F11R: variants seen among roughly 807,000 people sequenced by gnomAD.
The protein encoded by F11R is junctional adhesion molecule A.
Under a neutral mutation model 39.3 loss-of-function variants are expected in F11R, and 27 were observed. That is an observed-to-expected ratio of 0.69 (90% confidence interval 0.51 to 0.95). The LOEUF (loss-of-function observed/expected upper bound fraction) is 0.95, where lower values mean the gene tolerates loss of function less well. F11R is among the 40% of genes least tolerant of loss of function. The probability of loss-of-function intolerance (pLI) is 0.00; values close to 1 mark genes in which losing one functional copy is unlikely to be tolerated. For synonymous variants in F11R, 131 were observed against 144.9 expected (o/e 0.90, Z 0.69); for missense variants, 335 against 372.7 (o/e 0.90, Z 0.83).
chr1:161,011,558 A>G (rs3007162), intron 1 of F11R, among the ~76,000 whole-genome samples: 4,154 of 151,932 alleles, frequency 0.027, 182 homozygotes, highest in African/African-American at 0.093. Context: ...GTGAAACCCC[A>G]TCTCTACTAA....
chr1:161,006,917 C>T (rs1648849043), intron 1 of F11R, among the ~76,000 whole-genome samples: 1 of 152,156 alleles, frequency 6.6e-6, no homozygotes, highest in African/African-American at 2.4e-5. Flanking sequence ...GTAATCCCAG[C>T]ACTTTAGGAG....
At chr1:161,000,580 C>T (rs776001917) in intron 4 of F11R, 51 bp downstream of exon 4, 2 of 1,611,064 alleles carry the variant, frequency 1.2e-6, no homozygotes, top group Non-Finnish European at 1.7e-6. Context: ...GCAGAGCCTG[C>T]TATGAGAAGT....
At chr1:161,020,979 A>C (rs1455785926) in intron 1 of F11R, 31 bp downstream of exon 1, 1 of 1,611,530 alleles carries the variant, frequency 6.2e-7, no homozygotes, top group Non-Finnish European at 8.5e-7. Context: ...GACCCGACCA[A>C]CCGATTCCTC....
At chr1:161,004,646 T>C (rs1158833169) in intron 1 of F11R, among the ~76,000 whole-genome samples, 1 of 151,788 alleles carries the variant, frequency 6.6e-6, no homozygotes, top group East Asian at 1.9e-4. Flanking sequence ...GAGTGGGAGG[T>C]TACAGTGAGC....
At chr1:161,011,776 A>G (rs1649176380) in intron 1 of F11R, among the ~76,000 whole-genome samples, 2 of 151,934 alleles carry the variant, frequency 1.3e-5, no homozygotes, top group Admixed American at 1.3e-4. Flanking sequence ...GACGTATCTC[A>G]CACATTAATT....
At chr1:161,005,882 TA>T (rs1648773173) in intron 1 of F11R, among the ~76,000 whole-genome samples, 1 of 151,962 alleles carries the variant, frequency 6.6e-6, no homozygotes, top group Non-Finnish European at 1.5e-5. Context: ...CAACAGCCTG[TA>T]ATCCCAGCAC....
rs970464508 is a variant in F11R, at chr1:160,999,028, G to A, written c.864+15C>T. 3 of 1,614,058 alleles carry A rather than the reference G, an allele frequency of 1.9e-6. No homozygotes were observed. The African/African-American group carries it at 4.0e-5, about 22-fold the overall frequency. On this transcript the variant is annotated intron_variant, in intron 9 of 9. Transcript: ENST00000368026. Reference sequence around the variant, plus strand: ...CCCCAGGTGGCCCACCCCTGCCCAGGGGAGGCATACTCACTTCACTTCGGG... The same window carrying A: ...CCCCAGGTGGCCCACCCCTGCCCAGAGGAGGCATACTCACTTCACTTCGGG...
intron 1 of F11R, among the ~76,000 whole-genome samples, chr1:161,010,253 G>A (rs1364145613): frequency 6.6e-6 from 1 of 151,850 alleles, no homozygotes; most frequent in Non-Finnish European, 1.5e-5. Context: ...AGACTAGCCT[G>A]GCCAACGTGG....
Position 161,015,407 on chromosome 1 carries a change from A to AATAT in F11R, c.64+5599_64+5602dup, listed in dbSNP as rs1553211261. Among the ~76,000 whole-genome samples, 176 of 136,160 alleles carry AATAT rather than the reference A, an allele frequency of 1.3e-3. 2 individuals carry two copies. The highest frequency in any genetic ancestry group is 1.3e-3 in the Non-Finnish European group (81 of 63,748). 89.3% of individuals were successfully genotyped at this position (136,160 alleles called of 152,430 possible). ...AGCCAGACTCCATCTCAAAAAAAAA[A>AATAT]ATATATATATATATATATATACACA... On this transcript the variant is annotated intron_variant, in intron 1 of 9. Transcript: ENST00000368026.
chr1:161,021,056 T>C lies in F11R; in HGVS notation c.18A>G (p.Gln6=), dbSNP rs1266452916. ...AGAGGCACAACAGTTTCCTCTCGAC[T>C]TGCGCCTTTGTCCCCATCGCGATCA... MGTKA[Q]VERKLLCLFI... Residue 6 remains glutamine, a synonymous_variant, in exon 1 of 10, where the codon CAA becomes CAG. Transcript: ENST00000368026. The C allele has an allele frequency of 6.2e-7, 1 of 1,613,762 alleles. No homozygotes were observed. The highest frequency in any genetic ancestry group is 8.5e-7 in the Non-Finnish European group (1 of 1,179,884).
In F11R at chr1:160,998,803, T is replaced by A; in HGVS notation, c.*68A>T. The A allele has an allele frequency of 5.3e-6, 8 of 1,509,478 alleles. No individual in the cohort carries two copies. Among genetic ancestry groups the A allele is most frequent in the Non-Finnish European group, 7.4e-6 (8 of 1,085,376 alleles). 93.5% of individuals were successfully genotyped at this position (1,509,478 alleles called of 1,614,324 possible). A position where few individuals can be genotyped will look rare whatever the true frequency, so the allele number is the denominator to read the frequency against. On this transcript the variant is annotated 3_prime_UTR_variant, in exon 10 of 10. Transcript: ENST00000368026. Reference sequence around the variant, plus strand: ...AAGGCATCCTGTGAAACTACAGACATCAGGGGCCAGAGTCCGGTAGCACCT... The same window carrying A: ...AAGGCATCCTGTGAAACTACAGACAACAGGGGCCAGAGTCCGGTAGCACCT...
intron 7 of F11R, 89 bp downstream of exon 7, chr1:160,999,551 C>G: frequency 6.7e-7 from 1 of 1,501,136 alleles, no homozygotes; most frequent in South Asian, 1.1e-5. Context: ...CACATGAGCA[C>G]AGTATCAGGG....
chr1:161,000,866 TCTC>T, intron 3 of F11R, 89 bp from the exon 4 acceptor site: 1 of 1,547,578 alleles, frequency 6.5e-7, no homozygotes. Context: ...ACGCAAGTGC[TCTC>T]CTCTTCCCCC....
intron 1 of F11R, among the ~76,000 whole-genome samples, chr1:161,009,515 A>G (rs1441252271): frequency 6.6e-6 from 1 of 152,076 alleles, no homozygotes; most frequent in African/African-American, 2.4e-5. Flanking sequence ...CGCCTATAAC[A>G]CTGAGGATGT....
intron 1 of F11R, among the ~76,000 whole-genome samples, chr1:161,003,110 G>A (rs558174697): frequency 1.2e-4 from 16 of 135,230 alleles, no homozygotes; most frequent in African/African-American, 4.1e-4. Flanking sequence ...CCACCATGCC[G>A]GCTAATTTTT....
Position 160,998,770 on chromosome 1 carries a change from A to G in F11R, c.*101T>C. On this transcript the variant is annotated 3_prime_UTR_variant, in exon 10 of 10. Transcript: ENST00000368026. The stretch of plus-strand genomic sequence containing the variant: ...AGTAGGGGGCCCTGTGGGGTGTAGA[A>G]GACAAATAAGGCATCCTGTGAAACT... 8.4e-7 allele frequency: 1 copy of G among 1,194,532 alleles called. No homozygotes were observed. The highest frequency in any genetic ancestry group is 1.5e-5 in the African/African-American group (1 of 66,542). 74.0% of individuals were successfully genotyped at this position (1,194,532 alleles called of 1,614,324 possible). A position where few individuals can be genotyped will look rare whatever the true frequency, so the allele number is the denominator to read the frequency against.
chr1:160,999,508 G>T, intron 7 of F11R, 100 bp from the exon 8 acceptor site: 1 of 1,561,736 alleles, frequency 6.4e-7, no homozygotes, highest in Non-Finnish European at 8.8e-7. Flanking sequence ...TGTTAGATGG[G>T]TGATCAGTGT....
chr1:161,011,979 T>C (rs187481167), intron 1 of F11R, among the ~76,000 whole-genome samples: 1 of 152,284 alleles, frequency 6.6e-6, no homozygotes, highest in East Asian at 1.9e-4. Flanking sequence ...TCCTAAAACA[T>C]TTTGTACTTT....
intron 1 of F11R, among the ~76,000 whole-genome samples, chr1:161,015,819 A>C (rs1649434606): frequency 6.6e-6 from 1 of 152,108 alleles, no homozygotes; most frequent in African/African-American, 2.4e-5. Context: ...GAAACACTGA[A>C]GAGACATTAG....
Sources: gnomAD v4.1 joint callset for allele counts (sites outside exome capture counted in the v4.1 genomes callset) on GRCh38, gnomAD v4.1.1 for gene constraint, MANE v1.5 for transcripts, NCBI Gene and HGNC (gene_info 2026-07-23, HGNC 2026-07-21) for gene names.